The following SLC12A6 variants were observed in gnomAD, a reference collection of about 807,000 sequenced individuals.
The protein encoded by SLC12A6 is solute carrier family 12 member 6, also known as K-Cl cotransporter 3.
In SLC12A6, 66 loss-of-function variants were observed where a neutral mutation model predicts 135.3. The ratio of observed to expected loss-of-function variants is 0.49; its 90% CI spans 0.40 to 0.60. The LOEUF (loss-of-function observed/expected upper bound fraction) is 0.60. Ranked by LOEUF, SLC12A6 falls within the 20% of genes least tolerant of loss-of-function variation. The pLI is 0.00. For missense variants in SLC12A6, 1,058 were observed against 1,452.3 expected (o/e 0.73, Z 4.41); for synonymous variants, 513 against 508.8 (o/e 1.01, Z -0.11).
intron 3 of SLC12A6, among the ~76,000 whole-genome samples, chr15:34,265,482 G>A (rs944208763): frequency 2.0e-5 from 3 of 151,988 alleles, no homozygotes; most frequent in Admixed American, 6.5e-5. Context: ...TAAGTTCAAG[G>A]AAGAAAATCA....
intron 4 of SLC12A6, among the ~76,000 whole-genome samples, chr15:34,260,546 C>T (rs1035174626): frequency 1.1e-4 from 17 of 152,348 alleles, no homozygotes; most frequent in African/African-American, 4.1e-4. Context: ...GCGTGAGCCA[C>T]CGCGCCCGGC....
intron 2 of SLC12A6, among the ~76,000 whole-genome samples, chr15:34,296,704 A>G (rs1566848726): frequency 1.3e-5 from 2 of 152,194 alleles, no homozygotes; most frequent in African/African-American, 4.8e-5. Context: ...GTTCACAAAC[A>G]TTGCCGACCC....
intron 2 of SLC12A6, among the ~76,000 whole-genome samples, chr15:34,296,767 G>T (rs1177725364): frequency 1.3e-5 from 2 of 152,010 alleles, no homozygotes; most frequent in African/African-American, 4.8e-5. Context: ...ACACAGAGAA[G>T]GTAAAGGAAA....
At chr15:34,295,620 A>G (rs1895828172) in intron 2 of SLC12A6, among the ~76,000 whole-genome samples, 1 of 152,242 alleles carries the variant, frequency 6.6e-6, no homozygotes, top group African/African-American at 2.4e-5. Context: ...ATAACGATAC[A>G]GTCATGTGAT....
rs539161718 is a variant in SLC12A6 at position 34,281,624 on chromosome 15, C to T, written c.272-6235G>A. 1.1e-4 allele frequency among the ~76,000 whole-genome samples: 16 copies of T among 152,200 alleles called. No individual in the cohort carries two copies. The East Asian group carries it at 2.9e-3, about 28-fold the overall frequency. ...CCAACATGGTGAAACCCCATCTCTA[C>T]TAAAATACAAAAAATTAGCTGGGCA... On this transcript the variant is annotated intron_variant, in intron 2 of 25. Transcript: ENST00000354181.
At chr15:34,273,654 T>C (rs1894110561) in intron 3 of SLC12A6, among the ~76,000 whole-genome samples, 1 of 152,228 alleles carries the variant, frequency 6.6e-6, no homozygotes, top group Non-Finnish European at 1.5e-5. Context: ...GACTTTTTGA[T>C]AGCTTATTTT....
intron 4 of SLC12A6, among the ~76,000 whole-genome samples, chr15:34,260,612 A>C (rs942125469): frequency 1.3e-5 from 2 of 152,234 alleles, no homozygotes; most frequent in African/African-American, 4.8e-5. Context: ...GGGTGGAGAA[A>C]TACACTGATT....
rs534507208 is a variant in SLC12A6, at chr15:34,249,379, G to T, written c.1649+919C>A. Among the ~76,000 whole-genome samples, 10 of 152,146 alleles carry T rather than the reference G, an allele frequency of 6.6e-5. No individual in the cohort carries two copies. In the South Asian group the frequency reaches 2.1e-3, roughly 32 times the overall value. On this transcript the variant is annotated intron_variant, in intron 13 of 25. Transcript: ENST00000354181. ...GCTTCAGACCATCCTGGACAACATAGTAAGGCCCCATCTTTACAAAAAAAA... is the reference window on the plus strand; with the variant it reads ...GCTTCAGACCATCCTGGACAACATATTAAGGCCCCATCTTTACAAAAAAAA...
At chr15:34,324,266 A>G (rs1889317917) in intron 2 of SLC12A6, among the ~76,000 whole-genome samples, 1 of 152,224 alleles carries the variant, frequency 6.6e-6, no homozygotes, top group Non-Finnish European at 1.5e-5. Flanking sequence ...GGAATCATAC[A>G]GGTATGAAAT....
chr15:34,233,583 C>T lies in SLC12A6; in HGVS notation c.*298G>A. On this transcript the variant is annotated 3_prime_UTR_variant, in exon 26 of 26. Transcript: ENST00000354181. ...GTTGAATTTCTAGCATCCCTTTTAC[C>T]AATTCATTTATTGGCTCAGCTTGTT... 6.1e-6 allele frequency: 2 copies of T among 330,016 alleles called. No homozygotes were observed. Among genetic ancestry groups the T allele is most frequent in the South Asian group, 3.6e-5 (1 of 28,116 alleles). 20.4% of individuals were successfully genotyped at this position (330,016 alleles called of 1,614,324 possible).
At chr15:34,331,644 T>C (rs558575360) in intron 2 of SLC12A6, among the ~76,000 whole-genome samples, 50 of 152,208 alleles carry the variant, frequency 3.3e-4, no homozygotes, top group Non-Finnish European at 5.7e-4. Context: ...TAGGTGTAAA[T>C]GATTTTGTAT....
intron 2 of SLC12A6, among the ~76,000 whole-genome samples, chr15:34,308,652 A>AAAAAAAAAAAAAT (rs1887925060): frequency 8.8e-6 from 1 of 114,210 alleles, no homozygotes. Context: ...AAAAAAAAAA[A>AAAAAAAAAAAAAT]CAAACCAGAT....
intron 10 of SLC12A6, among the ~76,000 whole-genome samples, chr15:34,251,333 T>A (rs897696265): frequency 2.6e-5 from 4 of 152,146 alleles, no homozygotes; most frequent in African/African-American, 9.7e-5. Context: ...CTGCAAGCTC[T>A]GCCTCCCAGG....
At chr15:34,301,494 CTG>C (rs1245148887) in intron 2 of SLC12A6, among the ~76,000 whole-genome samples, 1 of 152,160 alleles carries the variant, frequency 6.6e-6, no homozygotes, top group East Asian at 1.9e-4. Context: ...GACACTATGA[CTG>C]TAATGCTGTC....
intron 2 of SLC12A6, among the ~76,000 whole-genome samples, chr15:34,300,065 G>C (rs1363152652): frequency 6.6e-6 from 1 of 152,086 alleles, no homozygotes; most frequent in Non-Finnish European, 1.5e-5. Context: ...GAGTGACAGA[G>C]AGATTGAATA....
intron 16 of SLC12A6, among the ~76,000 whole-genome samples, chr15:34,242,821 A>G (rs146513933): frequency 0.056 from 8,513 of 152,110 alleles, 288 homozygotes; most frequent in Non-Finnish European, 0.073. Context: ...ACAAGGTCAG[A>G]AGACTGAGAC....
At chr15:34,270,824 CAA>C (rs1322795956) in intron 3 of SLC12A6, among the ~76,000 whole-genome samples, 3,986 of 125,992 alleles carry the variant, frequency 0.032, 180 homozygotes, top group African/African-American at 0.11. Flanking sequence ...CAAAACAAAA[CAA>C]AAAACAAAAA....
At chr15:34,316,270 G>GA (rs1157604341) in intron 2 of SLC12A6, among the ~76,000 whole-genome samples, 1 of 151,286 alleles carries the variant, frequency 6.6e-6, no homozygotes, top group Non-Finnish European at 1.5e-5. Context: ...AAGTGCTTGT[G>GA]AAAAAACCAT....
chr15:34,337,192 C>A (rs1166315419), intron 1 of SLC12A6, 140 bp downstream of exon 1: 1 of 207,336 alleles, frequency 4.8e-6, no homozygotes, highest in Non-Finnish European at 1.0e-5. Flanking sequence ...TACACCCGGC[C>A]ACCTGTTGTG....
Sources: gnomAD v4.1 joint callset for allele counts (sites outside exome capture counted in the v4.1 genomes callset) on GRCh38, gnomAD v4.1.1 for gene constraint, MANE v1.5 for transcripts, NCBI Gene and HGNC (gene_info 2026-07-23, HGNC 2026-07-21) for gene names.